POLR2D: variants seen among roughly 807,000 people sequenced by gnomAD.
POLR2D encodes the protein RNA polymerase II subunit D.
A neutral mutation model predicts 17.6 loss-of-function variants in POLR2D; 10 were observed. That is an observed-to-expected ratio of 0.57 (90% CI 0.35 to 0.96). The LOEUF (loss-of-function observed/expected upper bound fraction) is 0.96, where lower values mean the gene tolerates loss of function less well. Ranked by LOEUF, POLR2D falls within the 40% of genes least tolerant of loss-of-function variation. POLR2D has a pLI of 0.02. For missense variants in POLR2D, 126 were observed against 176.4 expected, an observed-to-expected ratio of 0.71 and a Z score of 1.62; for synonymous variants, 52 against 60.2, an observed-to-expected ratio of 0.86 and a Z score of 0.63.
intron 1 of POLR2D, 92 bp from the exon 2 acceptor site, chr2:127,853,197 C>T (rs775626278): frequency 1.1e-4 from 112 of 1,032,316 alleles, no homozygotes; most frequent in Non-Finnish European, 1.5e-4. Flanking sequence ...TTCTCTGCCC[C>T]TGCAGAAATC....
rs1440373841 is a variant in POLR2D at position 127,845,877 on chromosome 2, C to T, written c.*2230G>A. 6.6e-6 allele frequency: 1 copy of T among 152,186 alleles called. No homozygotes were observed. 9.4% of individuals were successfully genotyped at this position (152,186 alleles called of 1,614,324 possible). A position where few individuals can be genotyped will look rare whatever the true frequency, so the allele number is the denominator to read the frequency against. On this transcript the variant is annotated 3_prime_UTR_variant, in exon 4 of 4. Coordinates refer to ENST00000272645, the MANE Select transcript of POLR2D (RefSeq NM_004805.4). Reference sequence around the variant, plus strand: ...TTGTAATAATTTCCTGTTCATTCAACCTTCTCAAAATACCCATGGGGCAGA... The same window carrying T: ...TTGTAATAATTTCCTGTTCATTCAATCTTCTCAAAATACCCATGGGGCAGA...
At position 127,858,122 on chromosome 2, in the gene POLR2D, ACCACCAGCGCCG is replaced by A. The variant is rs1690374105; in HGVS notation, c.-34_-23del. 6.9e-7 allele frequency: 1 copy of A among 1,446,240 alleles called. No homozygotes were observed. 89.6% of individuals were successfully genotyped at this position (1,446,240 alleles called of 1,614,324 possible). On this transcript the variant is annotated 5_prime_UTR_variant, in exon 1 of 4. Coordinates refer to ENST00000272645, the MANE Select transcript of POLR2D (RefSeq NM_004805.4). ...CCATCGCCGCGCCGCGCCGCGCGCC[ACCACCAGCGCCG>A]CCGGAAGCAGAAGCGCGGAGCAACG...
At chr2:127,849,919 T>C (rs1690222450) in intron 3 of POLR2D, among the ~76,000 whole-genome samples, 1 of 152,148 alleles carries the variant, frequency 6.6e-6, no homozygotes, top group South Asian at 2.1e-4. Flanking sequence ...CACTAAAATA[T>C]ACGTCTCCTT....
chr2:127,857,743 A>G, intron 1 of POLR2D: 1 of 1,134,524 alleles, frequency 8.8e-7, no homozygotes, highest in South Asian at 2.7e-5. Context: ...ACAGTATATT[A>G]CTGTTTAAAA....
chr2:127,850,697 GAAA>G lies in POLR2D; in HGVS notation c.255-15_255-13del. 2.9e-5 allele frequency: 30 copies of G among 1,033,550 alleles called. No homozygotes were observed. Among genetic ancestry groups the G allele is most frequent in the Non-Finnish European group, 3.8e-5 (27 of 710,130 alleles). The allele number at this position is 1,033,550 out of a possible 1,614,324, so 64.0% of individuals were successfully genotyped here. A position where few individuals can be genotyped will look rare whatever the true frequency, so the allele number is the denominator to read the frequency against. On this transcript the variant is annotated splice_polypyrimidine_tract_variant and intron_variant, in intron 2 of 3. Transcript: ENST00000272645. ...TCTGGAGTAGCAAGCTAATCAAAAG[GAAA>G]AAAAAAAAATCAAAATAATCAAAAA...
Position 127,853,113 on chromosome 2 carries a change from T to TA in POLR2D, c.74-9dup. The TA allele has an allele frequency of 6.2e-7, 1 of 1,602,990 alleles. No individual in the cohort carries two copies. The highest frequency in any genetic ancestry group is 8.5e-7 in the Non-Finnish European group (1 of 1,174,748). On this transcript the variant is annotated splice_polypyrimidine_tract_variant and intron_variant, in intron 1 of 3. Coordinates refer to ENST00000272645, the MANE Select transcript of POLR2D (RefSeq NM_004805.4). ...TCTCAGCTGTTTCAAACTCTATTTG[T>TA]AAGAAGCATAAATGGCAGCTGAAAA...
chr2:127,847,864 C>T lies in POLR2D; in HGVS notation c.*243G>A, dbSNP rs751049456. The T allele has an allele frequency of 4.6e-5, 24 of 523,124 alleles. No homozygotes were observed. Among genetic ancestry groups the T allele is most frequent in the African/African-American group, 2.7e-4 (14 of 50,946 alleles). The allele number at this position is 523,124 out of a possible 1,614,324, so 32.4% of individuals were successfully genotyped here. ...TTATGTGACCCCTCATCTCACACTT[C>T]GCAGAGGCACGTTCAGGAAGCCACT... On this transcript the variant is annotated 3_prime_UTR_variant, in exon 4 of 4. Coordinates refer to ENST00000272645, the MANE Select transcript of POLR2D (RefSeq NM_004805.4).
In POLR2D at chr2:127,844,420, A is replaced by G. The variant is rs1319245398; in HGVS notation, c.*3687T>C. 6.6e-6 allele frequency: 1 copy of G among 152,204 alleles called. No individual in the cohort carries two copies. The highest frequency in any genetic ancestry group is 6.6e-5 in the Admixed American group (1 of 15,266). The allele number at this position is 152,204 out of a possible 1,614,324, so 9.4% of individuals were successfully genotyped here. On this transcript the variant is annotated 3_prime_UTR_variant, in exon 4 of 4. Transcript: ENST00000272645. ...TGGTGAAGTGAGGGTTTGACAACCT[A>G]TCTTTTTGTTGTATCAGTATGTTCC...
At chr2:127,850,440 CAAAA>C (rs60975701) in intron 3 of POLR2D, 146 bp downstream of exon 3, 9,470 of 107,570 alleles carry the variant, frequency 0.088, 97 homozygotes, top group Middle Eastern at 0.14. Context: ...AACTCCGTCT[CAAAA>C]AAAAAAAAAA....
rs919409439 is a variant in POLR2D, at chr2:127,852,724, C to T, written c.254+201G>A. Among the ~76,000 whole-genome samples, 2 of 151,906 alleles carry T rather than the reference C, an allele frequency of 1.3e-5. No individual in the cohort carries two copies. The highest frequency in any genetic ancestry group is 4.8e-5 in the African/African-American group (2 of 41,342). On this transcript the variant is annotated intron_variant, in intron 2 of 3. Transcript: ENST00000272645. The surrounding 1 kb of genome is among the most constrained non-coding windows in gnomAD (Gnocchi z 4.0). ...TAGCAGAGACGGGTTTTTGCTATAT[C>T]GACCAGGCTGGTCTTGAACACCTGG...
intron 1 of POLR2D, among the ~76,000 whole-genome samples, chr2:127,856,247 C>G (rs1180248898): frequency 1.5e-5 from 2 of 135,966 alleles, no homozygotes; most frequent in Non-Finnish European, 3.1e-5. Context: ...GCTGTGATCA[C>G]ACCACTGCAC....
At chr2:127,857,941 C>T (rs1690366675) in intron 1 of POLR2D, 87 bp downstream of exon 1, 2 of 1,507,736 alleles carry the variant, frequency 1.3e-6, no homozygotes, top group Admixed American at 4.4e-5. Flanking sequence ...GCCGCTGAGG[C>T]AGGGCCTTGG....
At chr2:127,849,778 G>A (rs1242714430) in intron 3 of POLR2D, among the ~76,000 whole-genome samples, 1 of 152,122 alleles carries the variant, frequency 6.6e-6, no homozygotes, top group Non-Finnish European at 1.5e-5. Context: ...TGGGCACCGC[G>A]GCTCATGCCT....
At chr2:127,856,054 G>A (rs917176029) in intron 1 of POLR2D, among the ~76,000 whole-genome samples, 17 of 151,788 alleles carry the variant, frequency 1.1e-4, no homozygotes, top group Middle Eastern at 3.2e-3. Flanking sequence ...TGGTCGAGGC[G>A]GGCAGATTAC....
chr2:127,857,926 A>G (rs116376815), intron 1 of POLR2D, 102 bp downstream of exon 1: 183,505 of 1,471,384 alleles, frequency 0.12, 12,878 homozygotes, highest in Non-Finnish European at 0.14. Flanking sequence ...GGGCTTGCCC[A>G]AGCCGCCGCT....
rs369182505 is a variant in POLR2D at position 127,853,116 on chromosome 2, G to A, written c.74-11C>T. On this transcript the variant is annotated splice_polypyrimidine_tract_variant and intron_variant, in intron 1 of 3. Coordinates refer to ENST00000272645, the MANE Select transcript of POLR2D (RefSeq NM_004805.4). The stretch of plus-strand genomic sequence containing the variant: ...CAGCTGTTTCAAACTCTATTTGTAA[G>A]AAGCATAAATGGCAGCTGAAAATAC... 20 of 1,602,414 alleles carry A rather than the reference G, an allele frequency of 1.2e-5. No individual in the cohort carries two copies. The highest frequency in any genetic ancestry group is 1.6e-5 in the Non-Finnish European group (19 of 1,174,482).
chr2:127,857,421 A>AATT (rs1304792052), intron 1 of POLR2D, among the ~76,000 whole-genome samples: 1 of 152,216 alleles, frequency 6.6e-6, no homozygotes, highest in African/African-American at 2.4e-5. Flanking sequence ...CAACCACTTA[A>AATT]AGTGCGTGCG....
At position 127,848,174 on chromosome 2, in the gene POLR2D, C is replaced by T. The variant is rs763805041; in HGVS notation, c.362G>A (p.Arg121Gln). The change falls in exon 4 of 4, where the codon CGG becomes CAG. Residue 121 changes from arginine to glutamine, a missense_variant. Around this residue, in one of 2 missense-constraint regions of POLR2D, gnomAD observed 85 missense variants for 151.4 expected, o/e 0.56. Coordinates refer to ENST00000272645, the MANE Select transcript of POLR2D (RefSeq NM_004805.4). ...CTGCTGCAGCTCCTCATCTTCAAACCGTCCCTCCAAGCTACAAGAAAATGA... is the reference window on the plus strand; with the variant it reads ...CTGCTGCAGCTCCTCATCTTCAAACTGTCCCTCCAAGCTACAAGAAAATGA... ...SKALIPSLEGRFEDEELQQIL... is the reference protein window; with the variant it reads ...SKALIPSLEGQFEDEELQQIL... 5.6e-6 allele frequency: 9 copies of T among 1,609,788 alleles called. No homozygotes were observed. The highest frequency in any genetic ancestry group is 4.0e-5 in the African/African-American group (3 of 74,732).
At chr2:127,853,527 T>C (rs1690282233) in intron 1 of POLR2D, among the ~76,000 whole-genome samples, 1 of 152,142 alleles carries the variant, frequency 6.6e-6, no homozygotes, top group Non-Finnish European at 1.5e-5. Flanking sequence ...GCTCCATCCA[T>C]GTTGCTGCAA....
Sources: allele counts gnomAD v4.1 joint callset (sites outside exome capture counted in the v4.1 genomes callset), GRCh38; gene constraint gnomAD v4.1.1; regional missense constraint gnomAD v4.1.1; non-coding constraint Gnocchi (gnomAD v3.1); transcripts MANE v1.5; gene names NCBI Gene and HGNC (gene_info 2026-07-23, HGNC 2026-07-21).